Variants in PCDHA4 observed in about 807,000 individuals in gnomAD.
PCDHA4 encodes the protein protocadherin alpha-4.
Under a neutral mutation model 61.4 loss-of-function variants are expected in PCDHA4, and 49 were observed. The ratio of observed to expected loss-of-function variants is 0.80; its 90% CI spans 0.63 to 1.01. The LOEUF is 1.01. Ranked by LOEUF, PCDHA4 falls within the 50% of genes least tolerant of loss-of-function variation. The pLI is 0.00. For missense variants in PCDHA4, 1,254 were observed against 1,235.8 expected (o/e 1.01, Z -0.22); for synonymous variants, 590 against 550.3 (o/e 1.07, Z -1.01).
At position 140,809,141 on chromosome 5, in the gene PCDHA4, A is replaced by T; in HGVS notation, c.1954A>T (p.Lys652Ter). The change falls in exon 1 of 4, where the codon AAG (lysine) becomes TAG (stop). Residue 652 changes from lysine (K) to a stop codon, truncating the protein, a stop_gained. Transcript: ENST00000530339. LOFTEE classifies it high-confidence loss of function. ...APRHRLLVLV[K>*]DHGEPALTAT... ...GCGCCACCGCCTACTGGTACTGGTG[A>T]AGGACCACGGCGAGCCCGCGCTGAC... The T allele has an allele frequency of 1.2e-6, 2 of 1,613,966 alleles. No individual in the cohort carries two copies. Among genetic ancestry groups the T allele is most frequent in the Non-Finnish European group, 1.7e-6 (2 of 1,179,924 alleles).
intron 1 of PCDHA4, among the ~76,000 whole-genome samples, chr5:140,912,652 G>C (rs555103404): frequency 1.4e-4 from 21 of 152,250 alleles, no homozygotes; most frequent in African/African-American, 5.1e-4. Context: ...TTGAATAGAA[G>C]TGGTGAAAAT....
chr5:140,867,041 C>G (rs188716908), intron 1 of PCDHA4: 1 of 152,078 alleles, frequency 6.6e-6, no homozygotes, highest in East Asian at 1.9e-4. Flanking sequence ...TATGACTTGG[C>G]GTTTGTTCAG....
In PCDHA4 at chr5:140,959,634, A is replaced by G. The variant is rs78629455; in HGVS notation, c.2386-19315A>G. ...TGCTTGTGATAGAAAAAAAGAGAGA[A>G]AAAACACAGAAGCAAAATTGAAGAA... On this transcript the variant is annotated intron_variant, in intron 1 of 3. Transcript: ENST00000530339. Among the ~76,000 whole-genome samples, 1,434 of 152,320 alleles carry G rather than the reference A, an allele frequency of 9.4e-3. 14 individuals carry two copies. The highest frequency in any genetic ancestry group is 0.021 in the Admixed American group (316 of 15,292).
intron 3 of PCDHA4, among the ~76,000 whole-genome samples, chr5:140,987,781 A>G (rs2097267961): frequency 6.6e-6 from 1 of 152,208 alleles, no homozygotes; most frequent in East Asian, 1.9e-4. Context: ...AGAATCTGCT[A>G]TAGAGAAGAT....
At chr5:140,935,894 CTTT>C (rs55841305) in intron 1 of PCDHA4, among the ~76,000 whole-genome samples, 2 of 136,728 alleles carry the variant, frequency 1.5e-5, no homozygotes, top group African/African-American at 2.7e-5. Context: ...TCAATATTAT[CTTT>C]TTTTTTTTTT....
intron 3 of PCDHA4, among the ~76,000 whole-genome samples, chr5:141,005,494 G>A (rs1554260099): frequency 2.0e-5 from 3 of 151,700 alleles, no homozygotes; most frequent in Non-Finnish European, 2.9e-5. Flanking sequence ...ATGAGGTCAG[G>A]AGATCGAGAC....
chr5:140,861,197 T>C (rs1203877900), intron 1 of PCDHA4: 1 of 162,270 alleles, frequency 6.2e-6, no homozygotes, highest in Non-Finnish European at 1.3e-5. Context: ...CATGAAATAT[T>C]GTTTTACTAA....
At chr5:140,968,332 C>T (rs2096240603) in intron 1 of PCDHA4, 2 of 1,614,158 alleles carry the variant, frequency 1.2e-6, no homozygotes, top group Non-Finnish European at 1.7e-6. Flanking sequence ...CCTCCTATGT[C>T]TCCATTAACA....
chr5:140,973,815 A>C (rs2096603789), intron 1 of PCDHA4, among the ~76,000 whole-genome samples: 1 of 152,224 alleles, frequency 6.6e-6, no homozygotes, highest in African/African-American at 2.4e-5. Flanking sequence ...CAGAATAGCA[A>C]AGTCAGTTCT....
chr5:140,896,687 T>G (rs782089227), intron 1 of PCDHA4, among the ~76,000 whole-genome samples: 2 of 152,170 alleles, frequency 1.3e-5, no homozygotes, highest in Non-Finnish European at 2.9e-5. Context: ...CTTTGCCCAT[T>G]TTTTGATGAG....
At chr5:140,944,219 A>G (rs191111426) in intron 1 of PCDHA4, among the ~76,000 whole-genome samples, 202 of 152,176 alleles carry the variant, frequency 1.3e-3, no homozygotes, top group Non-Finnish European at 2.3e-3. Context: ...AGAGGGTTTT[A>G]CTCTGTCGCT....
intron 1 of PCDHA4, among the ~76,000 whole-genome samples, chr5:140,953,024 G>A (rs2094834462): frequency 6.6e-6 from 1 of 152,026 alleles, no homozygotes; most frequent in South Asian, 2.1e-4. Context: ...AACATTAAGG[G>A]GGAAATCCAC....
intron 1 of PCDHA4, chr5:140,866,007 T>A (rs568957330): frequency 6.6e-6 from 1 of 152,272 alleles, no homozygotes; most frequent in East Asian, 1.9e-4. Context: ...TGTTAAGTGA[T>A]TTTTTTCTTG....
intron 2 of PCDHA4, among the ~76,000 whole-genome samples, chr5:140,980,255 C>T (rs782489996): frequency 2.0e-4 from 31 of 152,210 alleles, no homozygotes; most frequent in Middle Eastern, 3.2e-3. Flanking sequence ...TGGGTAAAAG[C>T]ATGGTTTACA....
chr5:140,823,176 C>T (rs782525887), intron 1 of PCDHA4: 17 of 1,613,818 alleles, frequency 1.1e-5, no homozygotes, highest in Non-Finnish European at 1.4e-5. Context: ...AGGAGAACAA[C>T]CCGCCAGGCT....
At chr5:140,967,492 G>C in intron 1 of PCDHA4, 1 of 1,613,380 alleles carries the variant, frequency 6.2e-7, no homozygotes, top group Non-Finnish European at 8.5e-7. Flanking sequence ...GTACGGCACA[G>C]ATCTCTGTGC....
At chr5:140,946,611 A>ATATATATATATATATATATATATAT (rs2093972523) in intron 1 of PCDHA4, among the ~76,000 whole-genome samples, 1 of 86,812 alleles carries the variant, frequency 1.2e-5, no homozygotes, top group African/African-American at 6.4e-5. Context: ...GAAAATGTGA[A>ATATATATATATATATATATATATAT]ATATATATAT....
At position 140,851,423 on chromosome 5, in the gene PCDHA4, A is replaced by T. The variant is rs967768563; in HGVS notation, c.2385+41851A>T. 1.1e-5 allele frequency: 10 copies of T among 949,488 alleles called. 1 individual carries two copies. Among genetic ancestry groups the T allele is most frequent in the Non-Finnish European group, 1.3e-5 (10 of 784,130 alleles). 58.8% of individuals were successfully genotyped at this position (949,488 alleles called of 1,614,324 possible). On this transcript the variant is annotated intron_variant, in intron 1 of 3. Coordinates refer to ENST00000530339, the MANE Select transcript of PCDHA4 (RefSeq NM_018907.4). ...TTAATAAGAAAGAAACTTCCCCTAA[A>T]CTTTAGAAAACAGTTGCTCCACTTT...
intron 1 of PCDHA4, among the ~76,000 whole-genome samples, chr5:140,925,964 C>CA (rs782520997): frequency 4.3e-4 from 65 of 150,204 alleles, no homozygotes; most frequent in Middle Eastern, 3.4e-3. Flanking sequence ...TGCTATCACG[C>CA]AAAAAAAAAG....
Sources: gnomAD v4.1 joint callset for allele counts (sites outside exome capture counted in the v4.1 genomes callset) on GRCh38, gnomAD v4.1.1 for gene constraint, MANE v1.5 for transcripts, NCBI Gene and HGNC (gene_info 2026-07-23, HGNC 2026-07-21) for gene names.